The following SLC6A11 variants were observed in gnomAD, a reference collection of about 807,000 sequenced individuals.
SLC6A11 encodes sodium- and chloride-dependent GABA transporter 3.
In SLC6A11, 25 loss-of-function variants were observed where a neutral mutation model predicts 74.8. The observed-to-expected ratio is 0.33, with a 90% CI of 0.24 to 0.47. SLC6A11 has a LOEUF of 0.47. SLC6A11 is among the 20% of genes least tolerant of loss of function. The probability of loss-of-function intolerance (pLI) is 1.00; values close to 1 mark genes in which losing one functional copy is unlikely to be tolerated. For synonymous variants in SLC6A11, 330 were observed against 330.2 expected (o/e 1.00, Z 0.01); for missense variants, 574 against 837.0 (o/e 0.69, Z 3.88).
chr3:10,855,744 G>T (rs1694631643), intron 5 of SLC6A11, among the ~76,000 whole-genome samples: 1 of 152,224 alleles, frequency 6.6e-6, no homozygotes, highest in Non-Finnish European at 1.5e-5. Context: ...TGACCCTGGG[G>T]AGCCAGTGGC....
chr3:10,835,366 G>A (rs977278894), intron 4 of SLC6A11, among the ~76,000 whole-genome samples: 20 of 152,178 alleles, frequency 1.3e-4, no homozygotes, highest in African/African-American at 4.3e-4. Context: ...CACGTTCTGC[G>A]AGAGAGAATG....
rs148139168 is a variant in SLC6A11 at position 10,828,296 on chromosome 3, A to G, written c.623+4904A>G. Among the ~76,000 whole-genome samples the G allele has an allele frequency of 2.0e-5, 3 of 152,316 alleles. No homozygotes were observed. The East Asian group carries it at 5.8e-4, about 29-fold the overall frequency. On this transcript the variant is annotated intron_variant, in intron 4 of 13. Coordinates refer to ENST00000254488, the MANE Select transcript of SLC6A11 (RefSeq NM_014229.3). ...TTCAAAAAACACATGTTGAGCACATATTGTGTGCCGGGCCCAAATTAAGCT... is the reference window on the plus strand; with the variant it reads ...TTCAAAAAACACATGTTGAGCACATGTTGTGTGCCGGGCCCAAATTAAGCT...
intron 4 of SLC6A11, among the ~76,000 whole-genome samples, chr3:10,842,402 G>T (rs1401052980): frequency 6.6e-6 from 1 of 152,190 alleles, no homozygotes; most frequent in Non-Finnish European, 1.5e-5. Flanking sequence ...TCTGGTGGGG[G>T]TGCAGAAAGT....
chr3:10,841,673 T>C (rs2106583885), intron 4 of SLC6A11, among the ~76,000 whole-genome samples: 1 of 152,338 alleles, frequency 6.6e-6, no homozygotes, highest in Admixed American at 6.5e-5. Context: ...ATCCACATTG[T>C]AGAAGAGAGG....
Position 10,887,692 on chromosome 3 carries a change from C to T in SLC6A11, c.891+12597C>T, listed in dbSNP as rs563483587. 4.6e-5 allele frequency among the ~76,000 whole-genome samples: 7 copies of T among 152,258 alleles called. No individual in the cohort carries two copies. The South Asian group carries it at 1.2e-3, about 27-fold the overall frequency. On this transcript the variant is annotated intron_variant, in intron 6 of 13. Coordinates refer to ENST00000254488, the MANE Select transcript of SLC6A11 (RefSeq NM_014229.3). ...AACTCCTGACCTCAAGTGATCTGCC[C>T]GTCTCAGCCTAAAGTGCTGGGATTA...
rs757265540 is a variant in SLC6A11 at position 10,934,164 on chromosome 3, G to A, written c.1573G>A (p.Ala525Thr). ...GATGATCATGACCCCTGGGATCTGCGCGGTAAGGGCCCCACCAGGAGCCAC... is the reference window on the plus strand; with the variant it reads ...GATGATCATGACCCCTGGGATCTGCACGGTAAGGGCCCCACCAGGAGCCAC... Reference protein sequence around the residue: ...CWMIMTPGICAGIFIFFLIKY... With the variant: ...CWMIMTPGICTGIFIFFLIKY... The change falls in exon 12 of 14, where the codon GCG becomes ACG. Residue 525 changes from alanine to threonine, a missense_variant and splice_region_variant. This residue lies in a region of SLC6A11 where 257 missense variants were observed against 341.5 expected (regional missense o/e 0.75). Transcript: ENST00000254488. 1.1e-5 allele frequency: 18 copies of A among 1,608,348 alleles called. No individual in the cohort carries two copies. Among genetic ancestry groups the A allele is most frequent in the South Asian group, 2.2e-5 (2 of 90,920 alleles).
intron 10 of SLC6A11, among the ~76,000 whole-genome samples, chr3:10,929,603 T>G (rs1695657496): frequency 6.6e-6 from 1 of 152,168 alleles, no homozygotes; most frequent in African/African-American, 2.4e-5. Context: ...GAACGCTGGG[T>G]TGATCTGTCA....
intron 6 of SLC6A11, among the ~76,000 whole-genome samples, chr3:10,901,637 A>T (rs2106620665): frequency 6.6e-6 from 1 of 152,318 alleles, no homozygotes; most frequent in East Asian, 1.9e-4. Flanking sequence ...GCACATTAGC[A>T]TTTAAATATC....
chr3:10,900,435 C>G (rs1163803614), intron 6 of SLC6A11, among the ~76,000 whole-genome samples: 1 of 152,188 alleles, frequency 6.6e-6, no homozygotes, highest in Non-Finnish European at 1.5e-5. Flanking sequence ...AGCTTCCATT[C>G]CAGTTGGGGG....
intron 5 of SLC6A11, among the ~76,000 whole-genome samples, chr3:10,872,261 T>G (rs753195694): frequency 6.6e-6 from 1 of 152,222 alleles, no homozygotes; most frequent in Non-Finnish European, 1.5e-5. Flanking sequence ...GCCTTTGTCA[T>G]GTGTAAAAAG....
intron 5 of SLC6A11, among the ~76,000 whole-genome samples, chr3:10,866,573 T>G (rs1694764935): frequency 6.6e-6 from 1 of 152,216 alleles, no homozygotes; most frequent in Non-Finnish European, 1.5e-5. Flanking sequence ...TAGATTATTT[T>G]AGGCCCCACA....
intron 9 of SLC6A11, among the ~76,000 whole-genome samples, chr3:10,928,659 C>T (rs1393494422): frequency 1.3e-5 from 2 of 152,112 alleles, no homozygotes; most frequent in African/African-American, 2.4e-5. Context: ...GAAGTTGGCT[C>T]ACCTCTGATT....
At chr3:10,924,884 G>GT (rs1432142729) in intron 8 of SLC6A11, among the ~76,000 whole-genome samples, 1 of 152,222 alleles carries the variant, frequency 6.6e-6, no homozygotes, top group Non-Finnish European at 1.5e-5. Flanking sequence ...AACATTGCTG[G>GT]TAGGACTGTA....
intron 12 of SLC6A11, 23 bp downstream of exon 12, chr3:10,934,189 C>T: frequency 2.0e-6 from 3 of 1,515,620 alleles, no homozygotes; most frequent in Non-Finnish European, 2.8e-6. Flanking sequence ...CCAGGAGCCA[C>T]CTCCAGCCAT....
At chr3:10,924,958 A>G (rs1313901576) in intron 8 of SLC6A11, among the ~76,000 whole-genome samples, 2 of 152,236 alleles carry the variant, frequency 1.3e-5, no homozygotes, top group Non-Finnish European at 2.9e-5. Flanking sequence ...TATGATTGCC[A>G]TATGACCCAG....
At chr3:10,874,901 G>A (rs1694889156) in intron 5 of SLC6A11, 60 bp from the exon 6 acceptor site, 2 of 1,518,100 alleles carry the variant, frequency 1.3e-6, no homozygotes, top group Non-Finnish European at 1.8e-6. Flanking sequence ...ATTGTGCTGA[G>A]TGAAGTAACC....
chr3:10,909,723 AGC>A (rs1695361827), intron 6 of SLC6A11, among the ~76,000 whole-genome samples: 1 of 152,256 alleles, frequency 6.6e-6, no homozygotes, highest in South Asian at 2.1e-4. Flanking sequence ...CTGGGTCAGC[AGC>A]TGCACTGCTT....
At chr3:10,920,091 T>C (rs1695516025) in intron 8 of SLC6A11, among the ~76,000 whole-genome samples, 1 of 152,206 alleles carries the variant, frequency 6.6e-6, no homozygotes, top group Non-Finnish European at 1.5e-5. Flanking sequence ...TGTCCTCCTC[T>C]GTAAAGTGCG....
In SLC6A11 at chr3:10,938,283, C is replaced by A. The variant is rs745758816; in HGVS notation, c.1780C>A (p.Leu594Met). The A allele has an allele frequency of 6.2e-7, 1 of 1,611,870 alleles. No homozygotes were observed. Among genetic ancestry groups the A allele is most frequent in the Admixed American group, 1.7e-5 (1 of 59,872 alleles). ...LQKLTTPSTDLKMRGKLGVSP... is the reference protein window; with the variant it reads ...LQKLTTPSTDMKMRGKLGVSP... ...GAAGTTGACGACCCCCAGCACAGATCTGAAAATGCGGGGCAAGCTTGGGGT... is the reference window on the plus strand; with the variant it reads ...GAAGTTGACGACCCCCAGCACAGATATGAAAATGCGGGGCAAGCTTGGGGT... Residue 594 changes from leucine (L) to methionine (M), a missense_variant, in exon 14 of 14, where the codon CTG (leucine) becomes ATG (methionine). Around this residue, in one of 4 missense-constraint regions of SLC6A11, gnomAD observed 257 missense variants for 341.5 expected, o/e 0.75. Transcript: ENST00000254488.
Sources: allele counts gnomAD v4.1 joint callset (sites outside exome capture counted in the v4.1 genomes callset), GRCh38; gene constraint gnomAD v4.1.1; regional missense constraint gnomAD v4.1.1; transcripts MANE v1.5; gene names NCBI Gene and HGNC (gene_info 2026-07-23, HGNC 2026-07-21).